Variants in DLG2 observed in about 807,000 individuals in gnomAD.
DLG2 encodes the protein discs large MAGUK scaffold protein 2, also known as disks large homolog 2.
DLG2 carries 45 observed loss-of-function variants against 132.5 expected under a neutral mutation model. The observed-to-expected ratio is 0.34, with a 90% confidence interval of 0.27 to 0.44. The LOEUF (loss-of-function observed/expected upper bound fraction) is 0.44, where lower values mean the gene tolerates loss of function less well. Ranked by LOEUF, DLG2 falls within the 20% of genes least tolerant of loss-of-function variation. The pLI is 1.00. For missense variants in DLG2, 1,045 were observed against 1,196.9 expected (o/e 0.87, Z 1.87); for synonymous variants, 424 against 419.6 (o/e 1.01, Z -0.13).
At position 84,144,162 on chromosome 11, in the gene DLG2, C is replaced by T. The variant is rs2094974298; in HGVS notation, c.624+19299G>A. ...GTTTACTTTCATATGACAAAAGCAC[C>T]AATGCAAACTGGCTAATAAACTGTA... On this transcript the variant is annotated intron_variant, in intron 9 of 27. Coordinates refer to ENST00000376104, the MANE Select transcript of DLG2 (RefSeq NM_001142699.3). Among the ~76,000 whole-genome samples, 2 of 151,972 alleles carry T rather than the reference C, an allele frequency of 1.3e-5. 1 individual carries two copies. Among genetic ancestry groups the T allele is most frequent in the Non-Finnish European group, 2.9e-5 (2 of 67,974 alleles).
At chr11:84,064,850 G>A (rs1477248839) in intron 10 of DLG2, among the ~76,000 whole-genome samples, 1 of 152,106 alleles carries the variant, frequency 6.6e-6, no homozygotes, top group Non-Finnish European at 1.5e-5. Flanking sequence ...TTTACAGCAA[G>A]GTACTGGTAC....
chr11:85,275,015 G>A (rs2077798791), intron 4 of DLG2, among the ~76,000 whole-genome samples: 1 of 152,186 alleles, frequency 6.6e-6, no homozygotes, highest in South Asian at 2.1e-4. Flanking sequence ...TCTTCGGGAA[G>A]ATACCCTATC....
chr11:83,983,778 A>C (rs2093007204), intron 11 of DLG2, among the ~76,000 whole-genome samples: 1 of 152,098 alleles, frequency 6.6e-6, no homozygotes, highest in African/African-American at 2.4e-5. Context: ...TAAGCAAATG[A>C]TGACCAAAGA....
intron 15 of DLG2, among the ~76,000 whole-genome samples, chr11:83,905,762 T>C (rs565119974): frequency 6.6e-6 from 1 of 152,276 alleles, no homozygotes; most frequent in East Asian, 1.9e-4. Flanking sequence ...CATCTTTTGA[T>C]GGGTTGTTGC....
At chr11:85,008,472 G>C (rs2058886095) in intron 6 of DLG2, among the ~76,000 whole-genome samples, 2 of 152,040 alleles carry the variant, frequency 1.3e-5, no homozygotes, top group South Asian at 4.1e-4. Flanking sequence ...TTCTTTTAGG[G>C]AGAAGTGAAG....
At chr11:84,899,673 C>T (rs1437611736) in intron 6 of DLG2, among the ~76,000 whole-genome samples, 2 of 151,992 alleles carry the variant, frequency 1.3e-5, no homozygotes, top group Non-Finnish European at 2.9e-5. Flanking sequence ...TTCCAATTCC[C>T]CTAGAAATGG....
At chr11:85,594,804 A>G (rs1240753402) in intron 3 of DLG2, among the ~76,000 whole-genome samples, 1 of 152,184 alleles carries the variant, frequency 6.6e-6, no homozygotes, top group Non-Finnish European at 1.5e-5. Context: ...ACGGTGGTGC[A>G]TGCCTGTAAT....
chr11:85,034,678 T>C (rs2061309127), intron 6 of DLG2, among the ~76,000 whole-genome samples: 1 of 152,138 alleles, frequency 6.6e-6, no homozygotes. Flanking sequence ...ATTAATATCT[T>C]TTCTGAGCAT....
chr11:85,006,644 C>T (rs2058685664), intron 6 of DLG2, among the ~76,000 whole-genome samples: 1 of 151,976 alleles, frequency 6.6e-6, no homozygotes, highest in African/African-American at 2.4e-5. Context: ...GGCTAGCGGT[C>T]TATCTATTAT....
chr11:84,455,267 G>A (rs2099062371), intron 7 of DLG2, among the ~76,000 whole-genome samples: 1 of 151,380 alleles, frequency 6.6e-6, no homozygotes, highest in Non-Finnish European at 1.5e-5. Context: ...TGTTAACAAT[G>A]TATTTTGGGT....
chr11:84,724,662 A>C (rs2153802772), intron 6 of DLG2, among the ~76,000 whole-genome samples: 1 of 152,308 alleles, frequency 6.6e-6, no homozygotes, highest in Non-Finnish European at 1.5e-5. Context: ...TTACCAAAAA[A>C]AGGAAAGCAA....
At chr11:83,920,616 T>C (rs924722920) in intron 15 of DLG2, among the ~76,000 whole-genome samples, 7 of 152,146 alleles carry the variant, frequency 4.6e-5, no homozygotes, top group Non-Finnish European at 8.8e-5. Context: ...ATCTCACATA[T>C]ACAAATATAA....
chr11:85,289,463 T>C (rs1268453285), intron 3 of DLG2, among the ~76,000 whole-genome samples: 1 of 152,166 alleles, frequency 6.6e-6, no homozygotes, highest in Admixed American at 6.5e-5. Flanking sequence ...ATATGAAATG[T>C]CATCATCAAG....
chr11:84,533,885 T>C (rs1430591292), intron 7 of DLG2, among the ~76,000 whole-genome samples: 1 of 93,380 alleles, frequency 1.1e-5, no homozygotes, highest in Non-Finnish European at 1.9e-5. Context: ...AAACACAAAA[T>C]CCAGTAGCGC....
intron 6 of DLG2, among the ~76,000 whole-genome samples, chr11:85,050,979 T>C (rs1459989096): frequency 6.6e-6 from 1 of 152,124 alleles, no homozygotes; most frequent in Non-Finnish European, 1.5e-5. Flanking sequence ...AGTGGCATCA[T>C]TAATGCCACA....
Position 85,440,776 on chromosome 11 carries a change from T to A in DLG2, c.41-155411A>T, listed in dbSNP as rs533241586. Reference sequence around the variant, plus strand: ...AGACTAGGCTCTTTATAAGTGGGTATAAAGCACAGCAGGTAGAGTGGAGAT... The same window carrying A: ...AGACTAGGCTCTTTATAAGTGGGTAAAAAGCACAGCAGGTAGAGTGGAGAT... On this transcript the variant is annotated intron_variant, in intron 3 of 27. Transcript: ENST00000376104. 2.2e-4 allele frequency among the ~76,000 whole-genome samples: 33 copies of A among 152,314 alleles called. No individual in the cohort carries two copies. The East Asian group carries it at 6.0e-3, about 28-fold the overall frequency.
intron 4 of DLG2, among the ~76,000 whole-genome samples, chr11:85,161,020 A>G (rs757351557): frequency 5.9e-5 from 9 of 152,208 alleles, no homozygotes; most frequent in Non-Finnish European, 5.9e-5. Context: ...GCTGTAGCCA[A>G]TGGTTTGGCT....
At chr11:84,920,694 T>C (rs10898332) in intron 6 of DLG2, among the ~76,000 whole-genome samples, 91,554 of 151,832 alleles carry the variant, frequency 0.6, 28,167 homozygotes, top group South Asian at 0.68. Context: ...CCAGGAGTCA[T>C]ATTCTGATGT....
chr11:85,419,603 A>G (rs762170763), intron 3 of DLG2, among the ~76,000 whole-genome samples: 2 of 152,180 alleles, frequency 1.3e-5, no homozygotes, highest in Non-Finnish European at 2.9e-5. Flanking sequence ...ACATAGTCCC[A>G]TATTTCTTGA....
Sources: allele counts gnomAD v4.1 joint callset (sites outside exome capture counted in the v4.1 genomes callset), GRCh38; gene constraint gnomAD v4.1.1; transcripts MANE v1.5; gene names NCBI Gene and HGNC (gene_info 2026-07-23, HGNC 2026-07-21).